Variants in STK3 observed in about 807,000 individuals in gnomAD.
The protein encoded by STK3 is serine/threonine kinase 3.
Under a neutral mutation model 58.0 loss-of-function variants are expected in STK3, and 41 were observed. The observed-to-expected ratio is 0.71, with a 90% CI of 0.55 to 0.92. The LOEUF is 0.92. Among genes scored for constraint, STK3 ranks in the 40% least tolerant of loss-of-function variants. STK3 has a pLI of 0.00. For missense variants in STK3, 479 were observed against 602.7 expected (o/e 0.79, Z 2.15); for synonymous variants, 170 against 191.0 (o/e 0.89, Z 0.91).
chr8:98,621,291 T>G (rs1038297756), intron 6 of STK3, among the ~76,000 whole-genome samples: 1 of 152,238 alleles, frequency 6.6e-6, no homozygotes, highest in Non-Finnish European at 1.5e-5. Context: ...GCTTACTCAT[T>G]AATTCTATGA....
At chr8:98,638,530 T>C (rs1039216303) in intron 6 of STK3, 1 of 152,212 alleles carries the variant, frequency 6.6e-6, no homozygotes, top group Non-Finnish European at 1.5e-5. Flanking sequence ...TTTCAACTAC[T>C]GCACAGGTGA....
At chr8:98,536,609 A>T (rs546464021) in intron 9 of STK3, among the ~76,000 whole-genome samples, 1 of 152,346 alleles carries the variant, frequency 6.6e-6, no homozygotes, top group South Asian at 2.1e-4. Context: ...GAGAACAAGC[A>T]TAATACCCTA....
chr8:98,806,144 T>G (rs1258046491), intron 1 of STK3, among the ~76,000 whole-genome samples: 1 of 152,188 alleles, frequency 6.6e-6, no homozygotes, highest in Admixed American at 6.5e-5. Context: ...ATCTAGCCTA[T>G]TTCCATTAAA....
intron 6 of STK3, among the ~76,000 whole-genome samples, chr8:98,682,012 T>C (rs1015904834): frequency 2.0e-5 from 3 of 152,234 alleles, no homozygotes; most frequent in Non-Finnish European, 2.9e-5. Context: ...AGTAACAAAA[T>C]TGTGCTTTAC....
At chr8:98,729,030 G>C (rs1245365623) in intron 4 of STK3, among the ~76,000 whole-genome samples, 1 of 152,104 alleles carries the variant, frequency 6.6e-6, no homozygotes, top group East Asian at 1.9e-4. Flanking sequence ...TTGATTCTAA[G>C]GGCACTTGGA....
rs1836023905 is a variant in STK3 at position 98,842,324 on chromosome 8, T to A, written c.110+41323A>T. On this transcript the variant is annotated intron_variant, in intron 3 of 12. Coordinates refer to the STK3 transcript ENST00000523601. ...AAAGGAAATACATAAAAAGAGCCAATGAGGTTTTGAAAAAATGAGCAATTA... is the reference window on the plus strand; with the variant it reads ...AAAGGAAATACATAAAAAGAGCCAAAGAGGTTTTGAAAAAATGAGCAATTA... Among the ~76,000 whole-genome samples, 4 of 152,100 alleles carry A rather than the reference T, an allele frequency of 2.6e-5. No individual in the cohort carries two copies. The South Asian group carries it at 6.2e-4, about 24-fold the overall frequency.
At chr8:98,579,274 C>G (rs965229860) in intron 8 of STK3, among the ~76,000 whole-genome samples, 104 of 152,236 alleles carry the variant, frequency 6.8e-4, no homozygotes, top group African/African-American at 2.4e-3. Flanking sequence ...ATATGCTAGG[C>G]CTTTTTATGT....
At chr8:98,518,876 T>C (rs555145066) in intron 10 of STK3, among the ~76,000 whole-genome samples, 4 of 152,300 alleles carry the variant, frequency 2.6e-5, no homozygotes, top group African/African-American at 7.2e-5. Flanking sequence ...ATATGCCACA[T>C]ACACTTGAGT....
chr8:98,477,702 CGG>C (rs1286720911), intron 10 of STK3, among the ~76,000 whole-genome samples: 1 of 2,280 alleles, frequency 4.4e-4, no homozygotes, highest in African/African-American at 2.1e-3. Context: ...TCACACTTGG[CGG>C]GGGGGGGGGG....
At chr8:98,544,716 G>C (rs996451946) in intron 9 of STK3, among the ~76,000 whole-genome samples, 2 of 149,204 alleles carry the variant, frequency 1.3e-5, no homozygotes, top group African/African-American at 5.0e-5. Context: ...TGACTCTACT[G>C]TAATTAGTAT....
intron 1 of STK3, among the ~76,000 whole-genome samples, chr8:98,793,767 T>G (rs1010312613): frequency 1.3e-5 from 2 of 152,038 alleles, no homozygotes; most frequent in Admixed American, 1.3e-4. Flanking sequence ...ACATGGAAGA[T>G]ACTACGAGAT....
chr8:98,392,767 T>C (rs1285859455), upstream of STK3, among the ~76,000 whole-genome samples: 1 of 152,200 alleles, frequency 6.6e-6, no homozygotes, highest in Non-Finnish European at 1.5e-5. Flanking sequence ...CTTGTCCACT[T>C]GAGGGGGGCT....
chr8:98,500,347 C>T (rs1314496610), intron 10 of STK3, among the ~76,000 whole-genome samples: 6 of 152,112 alleles, frequency 3.9e-5, no homozygotes, highest in Non-Finnish European at 8.8e-5. Context: ...GCCTGGCCAA[C>T]TTGGTGAAAC....
rs573249877 is a variant in STK3 at position 98,511,466 on chromosome 8, C to T, written c.1317+15276G>A. ...ATACCTAAGTATTTTAGAACATTTT[C>T]GCTTAAAGGAGAGCTAATTGATGCT... is the stretch of plus-strand genomic sequence containing the variant. On this transcript the variant is annotated intron_variant, in intron 10 of 10. Coordinates refer to ENST00000419617, the MANE Select transcript of STK3 (RefSeq NM_006281.4). Among the ~76,000 whole-genome samples, 8 of 152,058 alleles carry T rather than the reference C, an allele frequency of 5.3e-5. No homozygotes were observed. The East Asian group carries it at 7.7e-4, about 15-fold the overall frequency.
Position 98,455,662 on chromosome 8 carries a change from C to T in STK3, c.*180G>A, listed in dbSNP as rs143335493. On this transcript the variant is annotated 3_prime_UTR_variant, in exon 11 of 11. Transcript: ENST00000419617. ...TTCTCCTCATCTTAGAGTGAATGCACAGCAGATACAACTGTCAATTCTGCC... is the reference window on the plus strand; with the variant it reads ...TTCTCCTCATCTTAGAGTGAATGCATAGCAGATACAACTGTCAATTCTGCC... 113 of 643,928 alleles carry T rather than the reference C, an allele frequency of 1.8e-4. No homozygotes were observed. The East Asian group carries it at 2.6e-3, about 15-fold the overall frequency. 39.9% of individuals were successfully genotyped at this position (643,928 alleles called of 1,614,324 possible).
intron 6 of STK3, among the ~76,000 whole-genome samples, chr8:98,662,677 C>CTT (rs869059041): frequency 1.4e-5 from 2 of 144,162 alleles, no homozygotes; most frequent in Non-Finnish European, 3.1e-5. Flanking sequence ...AGCTGTATTT[C>CTT]TTTTTTTTTT....
At chr8:98,477,085 T>C (rs1043995840) in intron 10 of STK3, among the ~76,000 whole-genome samples, 11 of 152,212 alleles carry the variant, frequency 7.2e-5, no homozygotes, top group Non-Finnish European at 1.6e-4. Flanking sequence ...GGAAAATCTG[T>C]ACAAACAAAC....
At chr8:98,532,030 T>G (rs1306238792) in intron 9 of STK3, among the ~76,000 whole-genome samples, 1 of 152,224 alleles carries the variant, frequency 6.6e-6, no homozygotes, top group Non-Finnish European at 1.5e-5. Context: ...AGAAAGGCTG[T>G]TTCACTTTCT....
intron 3 of STK3, among the ~76,000 whole-genome samples, chr8:98,874,688 G>A: frequency 6.6e-6 from 1 of 151,968 alleles, no homozygotes; most frequent in East Asian, 1.9e-4. Context: ...GGGTAGTGGT[G>A]AGATCATAGT....
Sources: allele counts gnomAD v4.1 joint callset (sites outside exome capture counted in the v4.1 genomes callset), GRCh38; gene constraint gnomAD v4.1.1; transcripts MANE v1.5; gene names NCBI Gene and HGNC (gene_info 2026-07-23, HGNC 2026-07-21).